The following FAT3 variants were observed in gnomAD, a reference collection of about 807,000 sequenced individuals.
FAT3 encodes protocadherin Fat 3.
FAT3 carries 95 observed loss-of-function variants against 310.2 expected under a neutral mutation model. The observed-to-expected ratio is 0.31, with a 90% CI of 0.26 to 0.36. FAT3 has a LOEUF of 0.36. Among genes scored for constraint, FAT3 ranks in the 10% least tolerant of loss-of-function variants. The pLI is 1.00. For synonymous variants in FAT3, 2,314 were observed against 2,192.9 expected (o/e 1.06, Z -1.54); for missense variants, 5,408 against 5,715.6 (o/e 0.95, Z 1.74).
At chr11:92,830,424 C>T (rs1382485634) in intron 13 of FAT3, among the ~76,000 whole-genome samples, 1 of 152,182 alleles carries the variant, frequency 6.6e-6, no homozygotes, top group African/African-American at 2.4e-5. Context: ...AGCAGGAGAG[C>T]ACCCTTGGAC....
intron 14 of FAT3, among the ~76,000 whole-genome samples, 188 bp from the exon 15 acceptor site, chr11:92,834,682 A>G (rs1362165025): frequency 6.6e-6 from 1 of 152,236 alleles, no homozygotes; most frequent in Non-Finnish European, 1.5e-5. Context: ...TGTTTGATGG[A>G]TAGCTATGCT....
chr11:92,799,670 A>C lies in FAT3; in HGVS notation c.6657A>C (p.Ile2219=), dbSNP rs1464511720. Residue 2219 remains isoleucine (I), a synonymous_variant, in exon 10 of 28, where the codon ATA becomes ATC. Coordinates refer to ENST00000525166, the MANE Select transcript of FAT3 (RefSeq NM_001367949.2). Reference sequence around the variant, plus strand: ...CCAGTCCAGAAGGCCAAGGCATCATATATATCATTATCGATGGGGACCCTT... The same window carrying C: ...CCAGTCCAGAAGGCCAAGGCATCATCTATATCATTATCGATGGGGACCCTT... ...NATSPEGQGI[I]YIIIDGDPFK... 6.2e-7 allele frequency: 1 copy of C among 1,613,680 alleles called. No homozygotes were observed. Among genetic ancestry groups the C allele is most frequent in the East Asian group, 2.2e-5 (1 of 44,828 alleles).
intron 12 of FAT3, among the ~76,000 whole-genome samples, chr11:92,809,213 T>A (rs527531883): frequency 4.6e-5 from 7 of 152,274 alleles, no homozygotes; most frequent in African/African-American, 1.4e-4. Context: ...TTTTCCATGC[T>A]CCTCAAGTTT....
intron 3 of FAT3, among the ~76,000 whole-genome samples, chr11:92,623,852 A>C (rs1012679984): frequency 6.6e-6 from 1 of 152,124 alleles, no homozygotes; most frequent in African/African-American, 2.4e-5. Context: ...CTGAGGCAGG[A>C]GAATGGCGTG....
At chr11:92,527,857 A>G (rs193218684) in intron 3 of FAT3, among the ~76,000 whole-genome samples, 9 of 152,356 alleles carry the variant, frequency 5.9e-5, no homozygotes, top group African/African-American at 1.9e-4. Flanking sequence ...ACATAGATAC[A>G]TAGACAGAGG....
intron 3 of FAT3, among the ~76,000 whole-genome samples, chr11:92,639,997 A>G (rs552681201): frequency 1.1e-4 from 17 of 152,282 alleles, no homozygotes; most frequent in African/African-American, 3.8e-4. Context: ...CCTCCTCAGA[A>G]CATCGATTTC....
At chr11:92,698,605 T>TATC (rs1944009260) in intron 4 of FAT3, among the ~76,000 whole-genome samples, 1 of 152,128 alleles carries the variant, frequency 6.6e-6, no homozygotes, top group African/African-American at 2.4e-5. Context: ...TTATTATTAT[T>TATC]ATCATCATCA....
At chr11:92,815,718 G>A (rs1947806377) in intron 13 of FAT3, among the ~76,000 whole-genome samples, 1 of 152,228 alleles carries the variant, frequency 6.6e-6, no homozygotes, top group Admixed American at 6.5e-5. Context: ...GGCACCAGGT[G>A]AAGGTGCTGC....
In FAT3 at chr11:92,353,553, G is replaced by T. The variant is rs536606871; in HGVS notation, c.1441G>T (p.Val481Leu). Residue 481 changes from valine to leucine, a missense_variant, in exon 2 of 28, where the codon GTG becomes TTG. Physicochemically the swap from Val to Leu is conservative, Grantham distance 32. Around this residue, in one of 5 missense-constraint regions of FAT3, gnomAD observed 4,588 missense variants for 4,809.8 expected, o/e 0.95. Coordinates refer to ENST00000525166, the MANE Select transcript of FAT3 (RefSeq NM_001367949.2). ...TCAGCAACCACTGTATGATGCTTATGTGAATGAAAGTGTCCCAGTGGGAAC... is the reference window on the plus strand; with the variant it reads ...TCAGCAACCACTGTATGATGCTTATTTGAATGAAAGTGTCCCAGTGGGAAC... The part of the protein sequence containing the change: ...EFQQPLYDAY[V>L]NESVPVGTSV... 1 of 1,613,760 alleles carries T rather than the reference G, an allele frequency of 6.2e-7. No homozygotes were observed. The highest frequency in any genetic ancestry group is 1.3e-5 in the African/African-American group (1 of 75,050).
At chr11:92,607,200 T>C (rs1565452766) in intron 3 of FAT3, among the ~76,000 whole-genome samples, 1 of 152,100 alleles carries the variant, frequency 6.6e-6, no homozygotes, top group Non-Finnish European at 1.5e-5. Flanking sequence ...TGGTGATCAG[T>C]GAAAATATTC....
At chr11:92,538,566 C>T (rs140093916) in intron 3 of FAT3, among the ~76,000 whole-genome samples, 270 of 152,146 alleles carry the variant, frequency 1.8e-3, no homozygotes, top group African/African-American at 6.2e-3. Context: ...TCTTGAAAAT[C>T]GATGAATAAT....
chr11:92,412,754 T>TATATATATAC (rs1565296585), intron 2 of FAT3, among the ~76,000 whole-genome samples: 5 of 94,956 alleles, frequency 5.3e-5, no homozygotes, highest in Admixed American at 1.1e-4. Context: ...TAAATATACA[T>TATATATATAC]ACATATATAT....
At chr11:92,723,458 A>G (rs1944919014) in intron 4 of FAT3, among the ~76,000 whole-genome samples, 1 of 152,034 alleles carries the variant, frequency 6.6e-6, no homozygotes. Flanking sequence ...ACTTTCCCAT[A>G]TTTTCCTGTC....
intron 7 of FAT3, among the ~76,000 whole-genome samples, chr11:92,788,871 G>T (rs536276609): frequency 1.3e-5 from 2 of 152,176 alleles, no homozygotes; most frequent in Non-Finnish European, 1.5e-5. Context: ...CATAAAAATT[G>T]CAGGGAAATA....
chr11:92,671,878 G>A (rs1943138689), intron 3 of FAT3, among the ~76,000 whole-genome samples: 1 of 152,178 alleles, frequency 6.6e-6, no homozygotes, highest in Non-Finnish European at 1.5e-5. Context: ...GGCCAAGGCA[G>A]GTGGATCATC....
rs765921423 is a variant in FAT3 at position 92,353,734 on chromosome 11, A to C, written c.1622A>C (p.Glu541Ala). Reference sequence around the variant, plus strand: ...GAACTGGATTTTGAATCCTCCCCAGAAATTTACAGATTCATTGTTAGAGCC... The same window carrying C: ...GAACTGGATTTTGAATCCTCCCCAGCAATTTACAGATTCATTGTTAGAGCC... The part of the protein sequence containing the change: ...TEELDFESSP[E>A]IYRFIVRASD... Residue 541 changes from glutamate (E) to alanine (A), a missense_variant, in exon 2 of 28, where the codon GAA becomes GCA. Physicochemically the swap from Glu to Ala is moderately radical, Grantham distance 107. Coordinates refer to ENST00000525166, the MANE Select transcript of FAT3 (RefSeq NM_001367949.2). 1.7e-5 allele frequency: 27 copies of C among 1,613,790 alleles called. 1 individual carries two copies. In the South Asian group the frequency reaches 2.7e-4, roughly 16 times the overall value.
chr11:92,324,393 C>T (rs1947711691), intron 1 of FAT3, among the ~76,000 whole-genome samples: 1 of 152,084 alleles, frequency 6.6e-6, no homozygotes, highest in South Asian at 2.1e-4. Flanking sequence ...ACTTAGAGGA[C>T]ATTGTAGGGT....
rs1348399376 is a variant in FAT3, at chr11:92,442,071, AATATATATTTT to A, written c.3293-82554_3293-82544del. Among the ~76,000 whole-genome samples, 21 of 131,748 alleles carry A rather than the reference AATATATATTTT, an allele frequency of 1.6e-4. 1 individual carries two copies. The highest frequency in any genetic ancestry group is 6.9e-4 in the African/African-American group (21 of 30,282). 86.4% of individuals were successfully genotyped at this position (131,748 alleles called of 152,430 possible). A position where few individuals can be genotyped will look rare whatever the true frequency, so the allele number is the denominator to read the frequency against. Reference sequence around the variant, plus strand: ...TCCTTTTTAAGTGCAAAACTTAAGAAATATATATTTTATATATATATATATATATATATATA... The same window carrying A: ...TCCTTTTTAAGTGCAAAACTTAAGAAATATATATATATATATATATATATA... On this transcript the variant is annotated intron_variant, in intron 2 of 27. Transcript: ENST00000525166.
chr11:92,690,423 T>A (rs1943766515), intron 3 of FAT3, among the ~76,000 whole-genome samples: 1 of 152,174 alleles, frequency 6.6e-6, no homozygotes, highest in African/African-American at 2.4e-5. Context: ...CTTAAGAAAA[T>A]TTAATAGCAG....
Sources: gnomAD v4.1 joint callset for allele counts (sites outside exome capture counted in the v4.1 genomes callset) on GRCh38, gnomAD v4.1.1 for gene constraint, gnomAD v4.1.1 regional missense constraint, MANE v1.5 for transcripts, NCBI Gene and HGNC (gene_info 2026-07-23, HGNC 2026-07-21) for gene names.